The following RYR1 variants were observed in gnomAD, a reference collection of about 807,000 sequenced individuals.
The protein encoded by RYR1 is central core disease of muscle.
In RYR1, 342 loss-of-function variants were observed where a neutral mutation model predicts 583.5. That is an observed-to-expected ratio of 0.59 (90% CI 0.54 to 0.64). The LOEUF (loss-of-function observed/expected upper bound fraction) is 0.64. Ranked by LOEUF, RYR1 falls within the 30% of genes least tolerant of loss-of-function variation. RYR1 has a pLI of 0.00. For missense variants in RYR1, 6,032 were observed against 6,917.2 expected, an observed-to-expected ratio of 0.87 and a Z score of 4.54; for synonymous variants, 2,791 against 2,822.5, an observed-to-expected ratio of 0.99 and a Z score of 0.35.
rs1568605238 is a variant in RYR1, at chr19:38,580,456, G to C, written c.14598G>C (p.Lys4866Asn). 8 of 1,614,178 alleles carry C rather than the reference G, an allele frequency of 5.0e-6. No homozygotes were observed. Among genetic ancestry groups the C allele is most frequent in the Non-Finnish European group, 6.8e-6 (8 of 1,180,046 alleles). Residue 4866 changes from lysine to asparagine, a missense_variant, in exon 101 of 106, where the codon AAG becomes AAC. Transcript: ENST00000359596. ...AFNFFRKFYN[K>N]SEDEDEPDMK... The stretch of plus-strand genomic sequence containing the variant: ...ACTTCTTCCGCAAGTTCTACAACAA[G>C]AGCGAGGATGAGGATGAACCTGACA...
intron 89 of RYR1, among the ~76,000 whole-genome samples, chr19:38,551,128 A>G (rs566045193): frequency 3.1e-5 from 4 of 130,954 alleles, no homozygotes; most frequent in African/African-American, 1.2e-4. Flanking sequence ...GCTCACTGCA[A>G]CCTCCGCCTC....
At chr19:38,524,532 G>C (rs1214473489) in intron 70 of RYR1, among the ~76,000 whole-genome samples, 3 of 152,208 alleles carry the variant, frequency 2.0e-5, no homozygotes, top group Admixed American at 1.3e-4. Context: ...AAAGTTGCCA[G>C]CCGGCGTGGA....
At chr19:38,463,629 G>C (rs889428605) in intron 21 of RYR1, 102 bp downstream of exon 21, 11 of 1,442,414 alleles carry the variant, frequency 7.6e-6, no homozygotes, top group Non-Finnish European at 1.1e-5. Flanking sequence ...CAGGGCACCA[G>C]GGGGTCCTTG....
rs753632539 is a variant in RYR1 at position 38,504,282 on chromosome 19, C to T, written c.7989C>T (p.Asn2663=). The part of the protein sequence containing the change: ...KYYCLPTGWA[N]FGVTSEEELH... The stretch of plus-strand genomic sequence containing the variant: ...ACTGCCTACCCACGGGCTGGGCCAA[C>T]TTCGGGGTCACCTCAGAGGAGGAGC... The change falls in exon 50 of 106, where the codon AAC becomes AAT. Residue 2663 remains asparagine, a synonymous_variant. Transcript: ENST00000359596. The T allele has an allele frequency of 1.9e-5, 31 of 1,614,022 alleles. No individual in the cohort carries two copies. The highest frequency in any genetic ancestry group is 2.5e-5 in the Non-Finnish European group (29 of 1,180,038).
intron 47 of RYR1, among the ~76,000 whole-genome samples, chr19:38,501,214 T>C (rs1230307851): frequency 1.3e-5 from 2 of 152,162 alleles, no homozygotes; most frequent in Non-Finnish European, 2.9e-5. Context: ...AAATCATCAT[T>C]TGAGGTCAGG....
intron 67 of RYR1, among the ~76,000 whole-genome samples, chr19:38,520,367 CTTT>C (rs34261000): frequency 3.7e-5 from 5 of 136,778 alleles, no homozygotes; most frequent in Non-Finnish European, 3.2e-5. Flanking sequence ...CACTTAGCTG[CTTT>C]TTTTTTTTTT....
At chr19:38,519,094 G>A (rs1039076924) in intron 66 of RYR1, 120 bp from the exon 67 acceptor site, 142 of 1,540,324 alleles carry the variant, frequency 9.2e-5, no homozygotes, top group Non-Finnish European at 5.1e-5. Flanking sequence ...GTTAGGGTCA[G>A]GCTGGGGTCA....
intron 1 of RYR1, among the ~76,000 whole-genome samples, chr19:38,438,714 G>C (rs965374270): frequency 6.8e-6 from 1 of 146,666 alleles, no homozygotes; most frequent in Non-Finnish European, 1.5e-5. Flanking sequence ...CGCCTCCCAG[G>C]TTCACACCAT....
intron 33 of RYR1, among the ~76,000 whole-genome samples, chr19:38,484,497 A>G (rs897134501): frequency 7.4e-6 from 1 of 134,722 alleles, no homozygotes; most frequent in Non-Finnish European, 1.5e-5. Flanking sequence ...CATCCATTCA[A>G]CAAATAGCTT....
At chr19:38,478,367 G>A (rs1968847352) in intron 30 of RYR1, 68 bp from the exon 31 acceptor site, 2 of 1,569,262 alleles carry the variant, frequency 1.3e-6, no homozygotes, top group South Asian at 1.1e-5. Flanking sequence ...GGGAGCTTGG[G>A]GAAGGGGGTG....
Position 38,505,613 on chromosome 19 carries a change from G to A in RYR1, c.8401-193G>A, listed in dbSNP as rs75146254. 7.5e-3 allele frequency among the ~76,000 whole-genome samples: 1,136 copies of A among 152,180 alleles called. 30 individuals are homozygous for A. The highest frequency in any genetic ancestry group is 0.067 in the East Asian group (349 of 5,178). On this transcript the variant is annotated intron_variant, in intron 53 of 105. Transcript: ENST00000359596. ...TTCCTTGGCTGTAGTAAGACTTCTC[G>A]GAGACTCAAGTGTCTAATGGGATAA...
chr19:38,564,812 G>C, intron 90 of RYR1, 147 bp from the exon 91 acceptor site: 1 of 1,412,574 alleles, frequency 7.1e-7, no homozygotes, highest in Non-Finnish European at 9.5e-7. Context: ...ACCGCGCCCA[G>C]CCTGACCCTG....
chr19:38,502,783 GGGC>G, intron 48 of RYR1, 56 bp downstream of exon 48: 1 of 1,163,968 alleles, frequency 8.6e-7, no homozygotes, highest in Non-Finnish European at 1.2e-6. Flanking sequence ...GCAGGGGCAG[GGGC>G]AGGGGCAGGG....
chr19:38,464,779 G>T, intron 23 of RYR1, 57 bp downstream of exon 23: 1 of 1,491,116 alleles, frequency 6.7e-7, no homozygotes. Context: ...GGGATGCTGT[G>T]CTAAGGGCTG....
Position 38,444,409 on chromosome 19 carries a change from C to T in RYR1, c.537+148C>T, listed in dbSNP as rs1972839218. On this transcript the variant is annotated intron_variant, in intron 6 of 105. Coordinates refer to ENST00000359596, the MANE Select transcript of RYR1 (RefSeq NM_000540.3). This position sits in a 1 kb window ranked among gnomAD's most constrained non-coding sequence, Gnocchi z 5.1. ...TTCCTGACCCCTGACATCCAATTTT[C>T]TGATTTCTGACCTCCCATTGCCCGA... The T allele has an allele frequency of 3.5e-6, 3 of 865,890 alleles. No homozygotes were observed. Among genetic ancestry groups the T allele is most frequent in the Non-Finnish European group, 5.7e-6 (3 of 523,914 alleles). The allele number at this position is 865,890 out of a possible 1,614,324, so 53.6% of individuals were successfully genotyped here.
In RYR1 at chr19:38,499,095, CT is replaced by C. The variant is rs1568500020; in HGVS notation, c.6892-11del. 1 of 1,613,842 alleles carries C rather than the reference CT, an allele frequency of 6.2e-7. No homozygotes were observed. Among genetic ancestry groups the C allele is most frequent in the Admixed American group, 1.7e-5 (1 of 60,016 alleles). ...ATGGGTCTGGTCTCTGACTGAGCCC[CT>C]TCTGCCCCCAGGTTGTGTCCTACCT... On this transcript the variant is annotated splice_polypyrimidine_tract_variant and intron_variant, in intron 42 of 105. Coordinates refer to ENST00000359596, the MANE Select transcript of RYR1 (RefSeq NM_000540.3). This position sits in a 1 kb window ranked among gnomAD's most constrained non-coding sequence, Gnocchi z 7.3.
Position 38,463,824 on chromosome 19 carries a change from C to A in RYR1, c.2760C>A (p.Asn920Lys). 2 of 1,613,964 alleles carry A rather than the reference C, an allele frequency of 1.2e-6. No individual in the cohort carries two copies. Among genetic ancestry groups the A allele is most frequent in the Non-Finnish European group, 1.7e-6 (2 of 1,179,968 alleles). The change falls in exon 22 of 106, where the codon AAC becomes AAA. Residue 920 changes from asparagine (N) to lysine (K), a missense_variant. This residue lies in a region of RYR1 where 2,627 missense variants were observed against 2,961.3 expected (regional missense o/e 0.89). Coordinates refer to ENST00000359596, the MANE Select transcript of RYR1 (RefSeq NM_000540.3). Reference protein sequence around the residue: ...HSLPEPERNYNLQMSGETLKT... With the variant: ...HSLPEPERNYKLQMSGETLKT... ...TTCCAGAGCCTGAGAGGAACTACAA[C>A]CTGCAGATGTCTGGGGAGACGCTCA...
At position 38,446,517 on chromosome 19, in the gene RYR1, T is replaced by G. The variant is rs112596687; in HGVS notation, c.677T>G (p.Met226Arg). 6.2e-7 allele frequency: 1 copy of G among 1,614,056 alleles called. No homozygotes were observed. The highest frequency in any genetic ancestry group is 1.7e-5 in the Admixed American group (1 of 59,998). Residue 226 changes from methionine to arginine, a missense_variant, in exon 8 of 106, where the codon ATG (methionine) becomes AGG (arginine). Transcript: ENST00000359596. ...GTCCTCCGCCTCTTTCATGGACATA[T>G]GGATGAGTGTCTGACCATTTCCCCT... ...GHVLRLFHGH[M>R]DECLTISPAD...
chr19:38,437,211 C>G (rs955944639), intron 1 of RYR1, among the ~76,000 whole-genome samples: 1 of 151,836 alleles, frequency 6.6e-6, no homozygotes, highest in Admixed American at 6.6e-5. Flanking sequence ...CCACTACGCC[C>G]GGCTAATTTT....
Sources: gnomAD v4.1 joint callset for allele counts (sites outside exome capture counted in the v4.1 genomes callset) on GRCh38, gnomAD v4.1.1 for gene constraint, gnomAD v4.1.1 regional missense constraint, Gnocchi (gnomAD v3.1) non-coding constraint, MANE v1.5 for transcripts, NCBI Gene and HGNC (gene_info 2026-07-23, HGNC 2026-07-21) for gene names.